Variants in SLC14A2 observed in about 807,000 individuals in gnomAD.
SLC14A2 encodes urea transporter 2.
SLC14A2 carries 91 observed loss-of-function variants against 104.6 expected under a neutral mutation model. That is an observed-to-expected ratio of 0.87 (90% CI 0.73 to 1.04). The LOEUF is 1.04. SLC14A2 is among the 50% of genes least tolerant of loss of function. The pLI is 0.00. For synonymous variants in SLC14A2, 476 were observed against 466.4 expected (o/e 1.02, Z -0.27); for missense variants, 1,189 against 1,156.0 (o/e 1.03, Z -0.41).
At chr18:45,365,430 C>G (rs1330044096) in intron 1 of SLC14A2, among the ~76,000 whole-genome samples, 2 of 152,234 alleles carry the variant, frequency 1.3e-5, no homozygotes, top group Non-Finnish European at 2.9e-5. Context: ...ATTTATTGAG[C>G]ACTTACTTTG....
At chr18:45,361,932 C>G (rs369429577) in intron 1 of SLC14A2, among the ~76,000 whole-genome samples, 13 of 152,178 alleles carry the variant, frequency 8.5e-5, no homozygotes, top group Non-Finnish European at 1.8e-4. Flanking sequence ...TTCCAAGAAC[C>G]GCTTTAGACT....
chr18:45,398,309 A>G (rs1007429479), intron 1 of SLC14A2, among the ~76,000 whole-genome samples: 4 of 152,180 alleles, frequency 2.6e-5, no homozygotes, highest in African/African-American at 9.7e-5. Context: ...TTTCCTACCA[A>G]AATCAAACAA....
chr18:45,313,345 T>C (rs34632975), intron 1 of SLC14A2, among the ~76,000 whole-genome samples: 2,984 of 152,122 alleles, frequency 0.02, 60 homozygotes, highest in East Asian at 0.09. Context: ...CCACCTTCTT[T>C]CTCCATGACT....
At chr18:45,454,245 CT>C (rs1209400022) in intron 1 of SLC14A2, among the ~76,000 whole-genome samples, 2 of 152,182 alleles carry the variant, frequency 1.3e-5, no homozygotes, top group South Asian at 2.1e-4. Flanking sequence ...CCTCAACTTC[CT>C]TTTTTTTAAC....
chr18:45,529,236 G>A (rs2043643731), intron 2 of SLC14A2: 1 of 152,178 alleles, frequency 6.6e-6, no homozygotes, highest in Non-Finnish European at 1.5e-5. Context: ...AATTAACACA[G>A]TCAAAACAGC....
chr18:45,515,817 A>G (rs1203922312), intron 2 of SLC14A2, among the ~76,000 whole-genome samples: 3 of 152,354 alleles, frequency 2.0e-5, no homozygotes, highest in East Asian at 3.9e-4. Context: ...CAAGAAACAG[A>G]ACCAGAGAAA....
At chr18:45,194,329 A>T in the SLC14A2 span, among the ~76,000 whole-genome samples, 2 of 152,238 alleles carry the variant, frequency 1.3e-5, no homozygotes, top group South Asian at 4.2e-4. Flanking sequence ...TTAGTTGTCG[A>T]CTTTTTTGTA....
chr18:45,361,641 G>GC (rs2085612320), intron 1 of SLC14A2, among the ~76,000 whole-genome samples: 3 of 152,164 alleles, frequency 2.0e-5, no homozygotes, highest in Non-Finnish European at 2.9e-5. Context: ...CTCTGTGCCT[G>GC]CACCCAAGGG....
intron 5 of SLC14A2, among the ~76,000 whole-genome samples, chr18:45,635,996 C>G (rs34514416): frequency 0.3 from 45,091 of 152,050 alleles, 8,277 homozygotes; most frequent in Middle Eastern, 0.45. Flanking sequence ...ACAAGCCTTT[C>G]TCATCTTGTC....
intron 1 of SLC14A2, among the ~76,000 whole-genome samples, chr18:45,470,119 A>G (rs2087219747): frequency 6.6e-6 from 1 of 152,218 alleles, no homozygotes; most frequent in African/African-American, 2.4e-5. Flanking sequence ...TTTTAGCTTA[A>G]TAAAAGCTGT....
intron 1 of SLC14A2, among the ~76,000 whole-genome samples, chr18:45,394,941 C>T (rs1323670813): frequency 6.6e-6 from 1 of 152,100 alleles, no homozygotes; most frequent in Non-Finnish European, 1.5e-5. Flanking sequence ...GATAGTCCTG[C>T]CATATGATCC....
intron 10 of SLC14A2, among the ~76,000 whole-genome samples, chr18:45,663,505 T>C (rs747716882): frequency 2.6e-5 from 4 of 152,216 alleles, no homozygotes; most frequent in Non-Finnish European, 5.9e-5. Flanking sequence ...AAATGGGTCT[T>C]AGAGTGCTTC....
chr18:45,570,187 T>A (rs2044325360), intron 2 of SLC14A2, among the ~76,000 whole-genome samples: 1 of 152,158 alleles, frequency 6.6e-6, no homozygotes, highest in Non-Finnish European at 1.5e-5. Context: ...CCCTCTATCC[T>A]CATTTTAGCT....
chr18:45,184,507 A>C, the SLC14A2 span, among the ~76,000 whole-genome samples: 1 of 152,228 alleles, frequency 6.6e-6, no homozygotes, highest in Non-Finnish European at 1.5e-5. Flanking sequence ...ATGGGGATAA[A>C]GTTAGATCCT....
At chr18:45,591,020 C>T (rs1229580605) in intron 2 of SLC14A2, among the ~76,000 whole-genome samples, 1 of 152,146 alleles carries the variant, frequency 6.6e-6, no homozygotes, top group Non-Finnish European at 1.5e-5. Context: ...TCTGAACTCT[C>T]AAATTGCCAC....
chr18:45,535,605 C>A (rs1403903513), intron 2 of SLC14A2, among the ~76,000 whole-genome samples: 1 of 152,102 alleles, frequency 6.6e-6, no homozygotes, highest in African/African-American at 2.4e-5. Flanking sequence ...GCTCTGAGTC[C>A]AGAGTTAGCA....
chr18:45,452,162 G>T (rs1370607018), intron 1 of SLC14A2, among the ~76,000 whole-genome samples: 4 of 152,154 alleles, frequency 2.6e-5, no homozygotes, highest in Admixed American at 2.6e-4. Context: ...CTGGATGAGA[G>T]GCAAGACACT....
chr18:45,548,087 C>A (rs2044000839), intron 2 of SLC14A2, among the ~76,000 whole-genome samples: 1 of 152,172 alleles, frequency 6.6e-6, no homozygotes, highest in African/African-American at 2.4e-5. Flanking sequence ...ACTCAGGAAT[C>A]TGGTTATGGG....
chr18:45,423,056 A>C (rs1396941911), intron 1 of SLC14A2, among the ~76,000 whole-genome samples: 1 of 152,196 alleles, frequency 6.6e-6, no homozygotes, highest in Non-Finnish European at 1.5e-5. Flanking sequence ...CATCGTTTAA[A>C]TATCTTATCA....
Sources: gnomAD v4.1 joint callset for allele counts (sites outside exome capture counted in the v4.1 genomes callset) on GRCh38, gnomAD v4.1.1 for gene constraint, MANE v1.5 for transcripts, NCBI Gene and HGNC (gene_info 2026-07-23, HGNC 2026-07-21) for gene names.